KCNB2: variants seen among roughly 807,000 people sequenced by gnomAD.
KCNB2 encodes potassium voltage-gated channel subfamily B member 2.
Under a neutral mutation model 61.5 loss-of-function variants are expected in KCNB2, and 15 were observed. The observed-to-expected ratio is 0.24, with a 90% confidence interval of 0.16 to 0.38. The LOEUF (loss-of-function observed/expected upper bound fraction) is 0.38. KCNB2 is among the 10% of genes least tolerant of loss of function. The pLI is 1.00. For missense variants in KCNB2, 828 were observed against 1,125.2 expected (o/e 0.74, Z 3.78); for synonymous variants, 457 against 446.0 (o/e 1.02, Z -0.31).
At chr8:72,694,573 A>C (rs952158042) in intron 2 of KCNB2, among the ~76,000 whole-genome samples, 1 of 152,188 alleles carries the variant, frequency 6.6e-6, no homozygotes, top group Non-Finnish European at 1.5e-5. Flanking sequence ...ATAGACAGAC[A>C]TTTTTAAAAA....
chr8:72,697,383 A>G, intron 2 of KCNB2, among the ~76,000 whole-genome samples: 1 of 152,138 alleles, frequency 6.6e-6, no homozygotes. Context: ...ATGTCTTTTC[A>G]TTACCTAATT....
chr8:72,800,048 A>T (rs757307221), intron 2 of KCNB2, among the ~76,000 whole-genome samples: 4 of 152,126 alleles, frequency 2.6e-5, no homozygotes, highest in Non-Finnish European at 5.9e-5. Flanking sequence ...ACCAATTTAA[A>T]TGTCATCTGT....
chr8:72,681,688 G>T (rs1040488586), intron 2 of KCNB2, among the ~76,000 whole-genome samples: 1 of 152,190 alleles, frequency 6.6e-6, no homozygotes, highest in Non-Finnish European at 1.5e-5. Flanking sequence ...GTACTATACA[G>T]AATTGTATGT....
chr8:72,789,435 C>G (rs1808898655), intron 2 of KCNB2, among the ~76,000 whole-genome samples: 1 of 152,108 alleles, frequency 6.6e-6, no homozygotes, highest in Non-Finnish European at 1.5e-5. Flanking sequence ...TTATCTAAAT[C>G]TTTTTGAACC....
At chr8:72,572,848 G>A (rs975767552) in intron 2 of KCNB2, among the ~76,000 whole-genome samples, 3 of 152,102 alleles carry the variant, frequency 2.0e-5, no homozygotes, top group Admixed American at 6.5e-5. Context: ...TGCATGGGAC[G>A]GAGGGAAGGA....
rs141860121 is a variant in KCNB2, at chr8:72,719,360, A to T, written c.579+151047A>T. 1.6e-3 allele frequency among the ~76,000 whole-genome samples: 249 copies of T among 152,228 alleles called. 2 individuals are homozygous for T. Among genetic ancestry groups the T allele is most frequent in the African/African-American group, 5.5e-3 (230 of 41,526 alleles). The stretch of plus-strand genomic sequence containing the variant: ...CCTGCTCTCTTAGTCTCTGAAACTC[A>T]ATTTTCTTGGGGACAACAAGCATAA... On this transcript the variant is annotated intron_variant, in intron 2 of 2. Transcript: ENST00000523207.
chr8:72,937,266 C>G lies in KCNB2; in HGVS notation c.1911C>G (p.Leu637=), dbSNP rs1806932120. ...SHLQMKFPTD[L]PGTEEHQRAR... ...TGCAGATGAAGTTCCCAACCGACCT[C>G]CCAGGGACAGAAGAGCACCAAAGAG... The change falls in exon 3 of 3, where the codon CTC becomes CTG. Residue 637 remains leucine (L), a synonymous_variant. Coordinates refer to ENST00000523207, the MANE Select transcript of KCNB2 (RefSeq NM_004770.3). 4 of 1,614,022 alleles carry G rather than the reference C, an allele frequency of 2.5e-6. No homozygotes were observed. Among genetic ancestry groups the G allele is most frequent in the East Asian group, 4.5e-5 (2 of 44,844 alleles).
Position 72,703,221 on chromosome 8 carries a change from T to C in KCNB2, c.579+134908T>C, listed in dbSNP as rs143325858. Among the ~76,000 whole-genome samples, 885 of 152,294 alleles carry C rather than the reference T, an allele frequency of 5.8e-3. 11 individuals carry two copies. In the Middle Eastern group the frequency reaches 0.082, roughly 14 times the overall value. ...GGAGGCAGGAGTTTAACCATCAGCT[T>C]ACACAGAATGTTACAAACACTCCCA... On this transcript the variant is annotated intron_variant, in intron 2 of 2. Transcript: ENST00000523207.
intron 1 of KCNB2, among the ~76,000 whole-genome samples, chr8:72,542,764 A>G (rs1481858624): frequency 6.6e-6 from 1 of 152,152 alleles, no homozygotes; most frequent in Non-Finnish European, 1.5e-5. Context: ...AAAGCACTGG[A>G]TAATTGATTC....
intron 2 of KCNB2, chr8:72,660,553 T>C (rs909641979): frequency 6.6e-6 from 1 of 152,224 alleles, no homozygotes. Context: ...AATGTTTAAA[T>C]TCTTCCATGA....
intron 2 of KCNB2, among the ~76,000 whole-genome samples, chr8:72,659,304 T>C (rs1227561309): frequency 3.3e-5 from 5 of 152,150 alleles, no homozygotes; most frequent in African/African-American, 4.8e-5. Context: ...AGAATTAGAA[T>C]TGGAGGCTAA....
At chr8:72,669,866 G>A (rs985082981) in intron 2 of KCNB2, among the ~76,000 whole-genome samples, 13 of 152,162 alleles carry the variant, frequency 8.5e-5, no homozygotes, top group Admixed American at 6.5e-5. Context: ...TATATTTTAC[G>A]GTCTAGCTGG....
At chr8:72,829,479 G>A (rs1809653464) in intron 2 of KCNB2, among the ~76,000 whole-genome samples, 1 of 152,104 alleles carries the variant, frequency 6.6e-6, no homozygotes, top group Non-Finnish European at 1.5e-5. Flanking sequence ...ACAATGAGGG[G>A]GAATTAATAT....
chr8:72,571,448 A>G (rs1218933451), intron 2 of KCNB2, among the ~76,000 whole-genome samples: 1 of 152,230 alleles, frequency 6.6e-6, no homozygotes, highest in Non-Finnish European at 1.5e-5. Context: ...CATTTAACAA[A>G]TTAACATTTT....
chr8:72,789,284 T>G (rs1419014121), intron 2 of KCNB2, among the ~76,000 whole-genome samples: 1 of 152,164 alleles, frequency 6.6e-6, no homozygotes, highest in East Asian at 1.9e-4. Context: ...TTTTATGGGA[T>G]TAGAGAGACT....
At chr8:72,669,151 G>C (rs1411437698) in intron 2 of KCNB2, among the ~76,000 whole-genome samples, 1 of 152,118 alleles carries the variant, frequency 6.6e-6, no homozygotes, top group Non-Finnish European at 1.5e-5. Flanking sequence ...GAAGGAATGA[G>C]AGAGACCAGG....
chr8:72,655,781 A>G (rs1481331529), intron 2 of KCNB2, among the ~76,000 whole-genome samples: 2 of 152,148 alleles, frequency 1.3e-5, no homozygotes, highest in Non-Finnish European at 2.9e-5. Context: ...CACCAGTCAC[A>G]TTATTCTAAA....
intron 2 of KCNB2, among the ~76,000 whole-genome samples, chr8:72,770,369 G>A (rs1049736307): frequency 6.6e-6 from 1 of 152,116 alleles, no homozygotes; most frequent in South Asian, 2.1e-4. Flanking sequence ...TAATTGAGAA[G>A]ACCTCTTAAG....
intron 2 of KCNB2, among the ~76,000 whole-genome samples, chr8:72,584,965 C>G (rs377257891): frequency 6.6e-6 from 1 of 152,136 alleles, no homozygotes; most frequent in Non-Finnish European, 1.5e-5. Flanking sequence ...TTGGAGGAGG[C>G]CTCTGGAGCC....
Sources: allele counts gnomAD v4.1 joint callset (sites outside exome capture counted in the v4.1 genomes callset), GRCh38; gene constraint gnomAD v4.1.1; transcripts MANE v1.5; gene names NCBI Gene and HGNC (gene_info 2026-07-23, HGNC 2026-07-21).